CREB5: variants seen among roughly 807,000 people sequenced by gnomAD.
CREB5 encodes the protein cyclic AMP-responsive element-binding protein 5.
Under a neutral mutation model 57.1 loss-of-function variants are expected in CREB5, and 19 were observed. The ratio of observed to expected loss-of-function variants is 0.33; its 90% CI spans 0.23 to 0.49. CREB5 has a LOEUF of 0.49. CREB5 is among the 20% of genes least tolerant of loss of function. The probability of loss-of-function intolerance (pLI) is 0.99; values close to 1 mark genes in which losing one functional copy is unlikely to be tolerated. For synonymous variants in CREB5, 238 were observed against 238.3 expected (o/e 1.00, Z 0.01); for missense variants, 579 against 671.6 (o/e 0.86, Z 1.52).
chr7:28,579,492 A>T lies in CREB5; in HGVS notation c.464+8955A>T, dbSNP rs145966597. On this transcript the variant is annotated intron_variant, in intron 5 of 10. Transcript: ENST00000357727. ...GTGCATTTTGGCTGATGATTAGGCCAGTAAAGTCTGTAAAATGATAGGACC... is the reference window on the plus strand; with the variant it reads ...GTGCATTTTGGCTGATGATTAGGCCTGTAAAGTCTGTAAAATGATAGGACC... Among the ~76,000 whole-genome samples the T allele has an allele frequency of 3.3e-3, 504 of 152,320 alleles. 2 individuals carry two copies. Among genetic ancestry groups the T allele is most frequent in the Middle Eastern group, 0.027 (8 of 294 alleles).
intron 1 of CREB5, among the ~76,000 whole-genome samples, chr7:28,472,954 T>C (rs1421012687): frequency 3.3e-5 from 5 of 152,130 alleles, no homozygotes; most frequent in African/African-American, 9.7e-5. Flanking sequence ...TTGCTTTTGC[T>C]CTCCTTTCTG....
chr7:28,560,879 C>CGTGT (rs1215492156), intron 4 of CREB5, among the ~76,000 whole-genome samples: 18 of 22,044 alleles, frequency 8.2e-4, no homozygotes, highest in Middle Eastern at 0.025. Context: ...CGTGCGCGTG[C>CGTGT]GTGCGTGCGT....
chr7:28,334,918 A>T (rs959827575), intron 1 of CREB5, among the ~76,000 whole-genome samples: 1 of 152,224 alleles, frequency 6.6e-6, no homozygotes, highest in Non-Finnish European at 1.5e-5. Context: ...ATTCTTCTGC[A>T]TATGGATATC....
chr7:28,658,977 A>ATGTG lies in CREB5; in HGVS notation c.465-59775_465-59774insGTGT, dbSNP rs1384603425. ...TGTATATATATATATATATATATAT[A>ATGTG]TATGTATATATAAGTCATAATTTAT... On this transcript the variant is annotated intron_variant, in intron 5 of 10. Transcript: ENST00000357727. Among the ~76,000 whole-genome samples, 19 of 128,774 alleles carry ATGTG rather than the reference A, an allele frequency of 1.5e-4. No homozygotes were observed. In the East Asian group the frequency reaches 1.5e-3, roughly 10 times the overall value. 84.5% of individuals were successfully genotyped at this position (128,774 alleles called of 152,430 possible).
intron 7 of CREB5, among the ~76,000 whole-genome samples, chr7:28,781,771 TTGA>T (rs1288274403): frequency 1.2e-5 from 1 of 85,636 alleles, no homozygotes; most frequent in Non-Finnish European, 2.6e-5. Flanking sequence ...GGTACAAAAA[TTGA>T]TTTTTTTTTT....
At chr7:28,538,839 A>G (rs886497719) in intron 4 of CREB5, among the ~76,000 whole-genome samples, 10 of 152,284 alleles carry the variant, frequency 6.6e-5, no homozygotes, top group African/African-American at 2.4e-4. Context: ...CTGTGATTTC[A>G]TCTTTAACCA....
intron 1 of CREB5, among the ~76,000 whole-genome samples, chr7:28,340,354 G>A (rs148742139): frequency 1.3e-5 from 2 of 152,202 alleles, no homozygotes; most frequent in African/African-American, 4.8e-5. Context: ...TAGTCAGCAG[G>A]TGATAAATTC....
At chr7:28,733,117 GA>G (rs1360851743) in intron 7 of CREB5, among the ~76,000 whole-genome samples, 1 of 152,130 alleles carries the variant, frequency 6.6e-6, no homozygotes, top group African/African-American at 2.4e-5. Flanking sequence ...CAAGGAGGAT[GA>G]GATTTTAATC....
intron 5 of CREB5, among the ~76,000 whole-genome samples, chr7:28,635,919 G>A (rs1798400822): frequency 6.6e-6 from 1 of 152,168 alleles, no homozygotes; most frequent in Admixed American, 6.5e-5. Context: ...TCAGACCTGT[G>A]AGCCCAGCTT....
In CREB5 at chr7:28,718,922, TG is replaced by T. The variant is rs1307439142; in HGVS notation, c.591+44del. Reference sequence around the variant, plus strand: ...TCTCACAATAGCTTGTCACTTGCACTGAGGTTTGCCACTCTTGAAAGGGCAA... The same window carrying T: ...TCTCACAATAGCTTGTCACTTGCACTAGGTTTGCCACTCTTGAAAGGGCAA... On this transcript the variant is annotated intron_variant, in intron 6 of 10. Transcript: ENST00000357727. 6.2e-6 allele frequency: 10 copies of T among 1,612,608 alleles called. No homozygotes were observed. In the Admixed American group the frequency reaches 1.7e-4, roughly 27 times the overall value.
chr7:28,523,048 A>G (rs1793279564), intron 4 of CREB5, among the ~76,000 whole-genome samples: 2 of 152,288 alleles, frequency 1.3e-5, no homozygotes, highest in African/African-American at 2.4e-5. Flanking sequence ...ACATTTGGTG[A>G]GTGAAGAGGT....
intron 5 of CREB5, among the ~76,000 whole-genome samples, chr7:28,574,002 C>T (rs1272347975): frequency 5.9e-5 from 9 of 152,168 alleles, no homozygotes; most frequent in African/African-American, 2.2e-4. Flanking sequence ...TCTCAAATTG[C>T]TCTTGTGTGG....
chr7:28,457,302 A>G, intron 1 of CREB5, among the ~76,000 whole-genome samples: 1 of 152,146 alleles, frequency 6.6e-6, no homozygotes, highest in East Asian at 1.9e-4. Flanking sequence ...GCGATTATGA[A>G]TTTTACCATT....
intron 5 of CREB5, among the ~76,000 whole-genome samples, chr7:28,588,884 C>A (rs1361868246): frequency 6.6e-6 from 1 of 152,192 alleles, no homozygotes; most frequent in Non-Finnish European, 1.5e-5. Context: ...GTTCTCCAAG[C>A]CTGTTTTCCC....
At position 28,622,787 on chromosome 7, in the gene CREB5, G is replaced by A. The variant is rs559912350; in HGVS notation, c.464+52250G>A. Reference sequence around the variant, plus strand: ...TGTAATCCTAGAACTTTGGGAGGCCGAGGCAAAAGGATCACTTCAGCCCAT... The same window carrying A: ...TGTAATCCTAGAACTTTGGGAGGCCAAGGCAAAAGGATCACTTCAGCCCAT... On this transcript the variant is annotated intron_variant, in intron 5 of 10. Coordinates refer to ENST00000357727, the MANE Select transcript of CREB5 (RefSeq NM_182898.4). Among the ~76,000 whole-genome samples, 8 of 152,220 alleles carry A rather than the reference G, an allele frequency of 5.3e-5. No homozygotes were observed. In the South Asian group the frequency reaches 1.0e-3, roughly 20 times the overall value.
intron 5 of CREB5, among the ~76,000 whole-genome samples, chr7:28,654,913 T>C (rs1452727154): frequency 6.6e-6 from 1 of 151,684 alleles, no homozygotes; most frequent in East Asian, 1.9e-4. Context: ...CAGGTGAAAA[T>C]TCAATTCTTT....
chr7:28,560,881 T>TGTGTGCGCGCGTGCGC (rs1554344374), intron 4 of CREB5, among the ~76,000 whole-genome samples: 1 of 46,204 alleles, frequency 2.2e-5, no homozygotes, highest in Non-Finnish European at 4.1e-5. Context: ...TGCGCGTGCG[T>TGTGTGCGCGCGTGCGC]GCGTGCGTGT....
chr7:28,654,208 A>G (rs1252065765), intron 5 of CREB5, among the ~76,000 whole-genome samples: 1 of 152,192 alleles, frequency 6.6e-6, no homozygotes, highest in Non-Finnish European at 1.5e-5. Flanking sequence ...TCCCTCAGCA[A>G]TTAGTAAAGG....
At chr7:28,339,141 T>G (rs1785883539) in intron 1 of CREB5, among the ~76,000 whole-genome samples, 1 of 152,154 alleles carries the variant, frequency 6.6e-6, no homozygotes. Flanking sequence ...TAAGTTCATT[T>G]GGTGAGGTCA....
Sources: gnomAD v4.1 joint callset for allele counts (sites outside exome capture counted in the v4.1 genomes callset) on GRCh38, gnomAD v4.1.1 for gene constraint, MANE v1.5 for transcripts, NCBI Gene and HGNC (gene_info 2026-07-23, HGNC 2026-07-21) for gene names.